Variants in CENPP observed in about 807,000 individuals in gnomAD.
CENPP encodes the protein centromere protein P.
Under a neutral mutation model 35.6 loss-of-function variants are expected in CENPP, and 24 were observed. That is an observed-to-expected ratio of 0.67 (90% CI 0.49 to 0.95). The LOEUF (loss-of-function observed/expected upper bound fraction) is 0.95, where lower values mean the gene tolerates loss of function less well. CENPP is among the 40% of genes least tolerant of loss of function. The pLI is 0.00. For synonymous variants in CENPP, 120 were observed against 125.5 expected (o/e 0.96, Z 0.29); for missense variants, 332 against 345.3 (o/e 0.96, Z 0.31).
At chr9:92,574,478 T>G (rs1850230572) in intron 5 of CENPP, among the ~76,000 whole-genome samples, 2 of 152,126 alleles carry the variant, frequency 1.3e-5, no homozygotes, top group Non-Finnish European at 2.9e-5. Context: ...ACAATTTTGT[T>G]ACAATAGCAT....
intron 5 of CENPP, among the ~76,000 whole-genome samples, chr9:92,463,598 G>A (rs1043426957): frequency 4.6e-5 from 7 of 152,152 alleles, no homozygotes; most frequent in African/African-American, 1.7e-4. Context: ...AGCCCTGTAG[G>A]CTGTCCTCCT....
chr9:92,332,385 G>A, intron 2 of CENPP, 34 bp downstream of exon 2: 2 of 1,392,422 alleles, frequency 1.4e-6, no homozygotes, highest in Non-Finnish European at 1.9e-6. Context: ...ACATAGTATG[G>A]AAGCTTACCT....
At chr9:92,466,120 A>G (rs1845301670) in intron 5 of CENPP, among the ~76,000 whole-genome samples, 1 of 152,154 alleles carries the variant, frequency 6.6e-6, no homozygotes, top group Non-Finnish European at 1.5e-5. Flanking sequence ...AGCGTGAGCC[A>G]CCAGGCCTGG....
At chr9:92,569,754 G>A (rs563531337) in intron 5 of CENPP, among the ~76,000 whole-genome samples, 41 of 152,022 alleles carry the variant, frequency 2.7e-4, no homozygotes, top group African/African-American at 7.5e-4. Flanking sequence ...TTTTTATTTC[G>A]TTGAGCAGTG....
At chr9:92,542,763 C>T (rs145372606) in intron 5 of CENPP, among the ~76,000 whole-genome samples, 6,056 of 152,252 alleles carry the variant, frequency 0.04, 184 homozygotes, top group South Asian at 0.099. Flanking sequence ...CCACCGGCCT[C>T]GGCCTCCCAA....
At chr9:92,356,846 T>G (rs1411819092) in intron 4 of CENPP, among the ~76,000 whole-genome samples, 2 of 152,224 alleles carry the variant, frequency 1.3e-5, no homozygotes, top group East Asian at 3.8e-4. Context: ...ATCTTCACAA[T>G]TTATGTTCCT....
rs186618152 is a variant in CENPP, at chr9:92,477,450, G to C, written c.564+97591G>C. 2.4e-4 allele frequency among the ~76,000 whole-genome samples: 36 copies of C among 152,204 alleles called. No homozygotes were observed. The East Asian group carries it at 6.4e-3, about 27-fold the overall frequency. On this transcript the variant is annotated intron_variant, in intron 5 of 7. Transcript: ENST00000375587. ...TTGGTCCTTAGCTAAATCAAAGTTG[G>C]CCCCTGATTCCAGTTTATTCTGTAA...
intron 5 of CENPP, chr9:92,494,077 T>C (rs1232823473): frequency 1.3e-6 from 2 of 1,597,108 alleles, no homozygotes; most frequent in Non-Finnish European, 1.7e-6. Context: ...TTCCTGCTTA[T>C]TGCCTCTACC....
At chr9:92,487,889 A>G (rs1846096912) in intron 5 of CENPP, among the ~76,000 whole-genome samples, 1 of 152,214 alleles carries the variant, frequency 6.6e-6, no homozygotes, top group Admixed American at 6.5e-5. Flanking sequence ...GATAGCAAGA[A>G]ACTGTACTTT....
intron 5 of CENPP, chr9:92,389,806 A>G (rs1278882064): frequency 7.9e-7 from 1 of 1,258,458 alleles, no homozygotes; most frequent in East Asian, 2.3e-5. Context: ...TCTTTTATCT[A>G]TCATATCATC....
Position 92,462,073 on chromosome 9 carries a change from G to T in CENPP, c.564+82214G>T, listed in dbSNP as rs192444442. Reference sequence around the variant, plus strand: ...GCTCACTGCAGCCTCCGCCTCCCAGGTTCAACTGATTCTCTTGCCTCAGCC... The same window carrying T: ...GCTCACTGCAGCCTCCGCCTCCCAGTTTCAACTGATTCTCTTGCCTCAGCC... On this transcript the variant is annotated intron_variant, in intron 5 of 7. Coordinates refer to ENST00000375587, the MANE Select transcript of CENPP (RefSeq NM_001012267.3). Among the ~76,000 whole-genome samples the T allele has an allele frequency of 1.0e-3, 156 of 152,150 alleles. 1 individual carries two copies. Among genetic ancestry groups the T allele is most frequent in the African/African-American group, 3.5e-3 (145 of 41,502 alleles).
At chr9:92,422,258 T>C (rs1843828358) in intron 5 of CENPP, among the ~76,000 whole-genome samples, 1 of 152,168 alleles carries the variant, frequency 6.6e-6, no homozygotes, top group African/African-American at 2.4e-5. Context: ...TTTGCCATGT[T>C]GGCCAGCCTG....
At chr9:92,427,865 C>T (rs767463121) in intron 5 of CENPP, among the ~76,000 whole-genome samples, 1 of 152,092 alleles carries the variant, frequency 6.6e-6, no homozygotes, top group Non-Finnish European at 1.5e-5. Context: ...TGGGGCAAGC[C>T]AAGTTGGTAT....
chr9:92,473,713 C>T (rs1176511096), intron 5 of CENPP, among the ~76,000 whole-genome samples: 3 of 152,200 alleles, frequency 2.0e-5, no homozygotes, highest in East Asian at 1.9e-4. Flanking sequence ...AAGTCTAGCT[C>T]GTATTAGTCT....
chr9:92,492,475 G>A (rs1203276863), intron 5 of CENPP, among the ~76,000 whole-genome samples: 2 of 152,188 alleles, frequency 1.3e-5, no homozygotes, highest in African/African-American at 4.8e-5. Context: ...GTTTCTTTGT[G>A]TTTTAATGAA....
At chr9:92,443,250 A>G (rs1426505277) in intron 5 of CENPP, among the ~76,000 whole-genome samples, 1 of 152,230 alleles carries the variant, frequency 6.6e-6, no homozygotes, top group Admixed American at 6.5e-5. Context: ...GGATTTAGCA[A>G]GACTGCTGAT....
At chr9:92,486,426 T>C (rs551358798) in intron 5 of CENPP, among the ~76,000 whole-genome samples, 1 of 152,328 alleles carries the variant, frequency 6.6e-6, no homozygotes, top group East Asian at 1.9e-4. Context: ...TTGGAGCATA[T>C]AGTATTTTTA....
rs1490500832 is a variant in CENPP, at chr9:92,614,619, T to C, written c.*1470T>C. On this transcript the variant is annotated 3_prime_UTR_variant, in exon 8 of 8. Coordinates refer to ENST00000375587, the MANE Select transcript of CENPP (RefSeq NM_001012267.3). ...CAAAATTTCCCACAAAAATTTACAA[T>C]CAGCAAAATAGTTTCCTTATTTCTC... is the stretch of plus-strand genomic sequence containing the variant. 6.6e-6 allele frequency: 1 copy of C among 152,664 alleles called. No homozygotes were observed. Among genetic ancestry groups the C allele is most frequent in the Non-Finnish European group, 1.5e-5 (1 of 68,040 alleles). The allele number at this position is 152,664 out of a possible 1,614,324, so 9.5% of individuals were successfully genotyped here.
chr9:92,581,483 T>C (rs1039755788), intron 5 of CENPP, among the ~76,000 whole-genome samples: 1 of 152,148 alleles, frequency 6.6e-6, no homozygotes, highest in Non-Finnish European at 1.5e-5. Context: ...AAGGAATGGA[T>C]TGGCTATATT....
Sources: allele counts gnomAD v4.1 joint callset (sites outside exome capture counted in the v4.1 genomes callset), GRCh38; gene constraint gnomAD v4.1.1; transcripts MANE v1.5; gene names NCBI Gene and HGNC (gene_info 2026-07-23, HGNC 2026-07-21).